DLGAP3: variants seen among roughly 807,000 people sequenced by gnomAD.
The protein encoded by DLGAP3 is DLG associated protein 3, also known as disks large-associated protein 3.
In DLGAP3, 17 loss-of-function variants were observed where a neutral mutation model predicts 81.2. The observed-to-expected ratio is 0.21, with a 90% CI of 0.14 to 0.31. The LOEUF (loss-of-function observed/expected upper bound fraction) is 0.31. DLGAP3 is among the 10% of genes least tolerant of loss of function. The probability of loss-of-function intolerance (pLI) is 1.00; values close to 1 mark genes in which losing one functional copy is unlikely to be tolerated. For synonymous variants in DLGAP3, 577 were observed against 587.4 expected (o/e 0.98, Z 0.26); for missense variants, 1,124 against 1,388.0 (o/e 0.81, Z 3.02).
chr1:34,894,824 A>G (rs1364470334), intron 5 of DLGAP3, among the ~76,000 whole-genome samples: 1 of 152,204 alleles, frequency 6.6e-6, no homozygotes, highest in Admixed American at 6.5e-5. Flanking sequence ...TAATAATATA[A>G]AAAGTAACAA....
intron 5 of DLGAP3, among the ~76,000 whole-genome samples, chr1:34,892,138 C>G (rs149783731): frequency 1.6e-4 from 25 of 152,186 alleles, no homozygotes; most frequent in African/African-American, 6.0e-4. Context: ...ACAATGACTT[C>G]ATGAATACAA....
Position 34,906,016 on chromosome 1 carries a change from T to TTTTTTATA in DLGAP3, c.-51-583_-51-582insTATAAAAA, listed in dbSNP as rs60469155. ...ACAGAGCGAGACCTGGCCTCTAAAT[T>TTTTTTATA]TATATATATATATATATTTGTTTGT... On this transcript the variant is annotated intron_variant, in intron 2 of 11. Coordinates refer to ENST00000373347, the MANE Select transcript of DLGAP3 (RefSeq NM_001080418.3). Among the ~76,000 whole-genome samples, 4 of 64,806 alleles carry TTTTTTATA rather than the reference T, an allele frequency of 6.2e-5. 1 individual carries two copies. Among genetic ancestry groups the TTTTTTATA allele is most frequent in the Non-Finnish European group, 1.4e-4 (4 of 29,092 alleles). The allele number at this position is 64,806 out of a possible 152,430, so 42.5% of individuals were successfully genotyped here.
intron 8 of DLGAP3, among the ~76,000 whole-genome samples, chr1:34,871,339 T>C (rs935771017): frequency 2.0e-5 from 3 of 152,214 alleles, no homozygotes; most frequent in Non-Finnish European, 2.9e-5. Flanking sequence ...CTGCCTGAAA[T>C]GGCCTTCCTC....
At position 34,904,458 on chromosome 1, in the gene DLGAP3, T is replaced by C. The variant is rs1483129486; in HGVS notation, c.926A>G (p.Glu309Gly). ...GCCAGTGCAGGCAAGGCAGCGGCCT[T>C]CCGACCCGCCCGAGCGCCCCTTGAA... ...LSFKGRSGGS[E>G]GRCLACTGMS... Residue 309 changes from glutamate to glycine, a missense_variant, in exon 3 of 12, where the codon GAA (glutamate) becomes GGA (glycine). By Grantham distance (98) the Glu-to-Gly change is moderately conservative. Coordinates refer to ENST00000373347, the MANE Select transcript of DLGAP3 (RefSeq NM_001080418.3). This position sits in a 1 kb window ranked among gnomAD's most constrained non-coding sequence, Gnocchi z 8.1. 6.2e-7 allele frequency: 1 copy of C among 1,614,138 alleles called. No homozygotes were observed. The highest frequency in any genetic ancestry group is 1.7e-5 in the Admixed American group (1 of 60,028).
At chr1:34,879,472 T>C (rs1349840307) in intron 8 of DLGAP3, among the ~76,000 whole-genome samples, 1 of 152,208 alleles carries the variant, frequency 6.6e-6, no homozygotes, top group East Asian at 1.9e-4. Flanking sequence ...CCTCCTGCTG[T>C]GCCGCCTGGT....
At chr1:34,889,779 C>T (rs925932157) in intron 5 of DLGAP3, among the ~76,000 whole-genome samples, 3 of 152,094 alleles carry the variant, frequency 2.0e-5, no homozygotes, top group South Asian at 2.1e-4. Flanking sequence ...CACAAGAAAG[C>T]GAGATAAGTC....
intron 3 of DLGAP3, among the ~76,000 whole-genome samples, chr1:34,903,369 C>A (rs1639492707): frequency 6.6e-6 from 1 of 152,238 alleles, no homozygotes; most frequent in Non-Finnish European, 1.5e-5. Flanking sequence ...GTATCTTCAT[C>A]TTTGTATCCA....
chr1:34,926,957 C>A (rs186617018), intron 1 of DLGAP3, among the ~76,000 whole-genome samples: 1 of 152,146 alleles, frequency 6.6e-6, no homozygotes, highest in Non-Finnish European at 1.5e-5. Context: ...TTAGCCAGCT[C>A]GAGCCCCAAC....
chr1:34,927,117 G>A (rs992397483), intron 1 of DLGAP3, among the ~76,000 whole-genome samples: 3 of 152,136 alleles, frequency 2.0e-5, no homozygotes, highest in Admixed American at 2.0e-4. Flanking sequence ...TCGGTGGTGG[G>A]TGTGGCTAGG....
rs1638865098 is a variant in DLGAP3, at chr1:34,865,849, T to A, written c.*234A>T. The A allele has an allele frequency of 4.7e-6, 3 of 633,308 alleles. No homozygotes were observed. The highest frequency in any genetic ancestry group is 3.0e-5 in the East Asian group (1 of 33,030). 39.2% of individuals were successfully genotyped at this position (633,308 alleles called of 1,614,324 possible). A position where few individuals can be genotyped will look rare whatever the true frequency, so the allele number is the denominator to read the frequency against. ...AGCGTCGGACCAGGTGGGCAGGGGA[T>A]CCAGGTGAGGGGCGCAGGGCGGAGA... On this transcript the variant is annotated 3_prime_UTR_variant, in exon 12 of 12. Coordinates refer to ENST00000373347, the MANE Select transcript of DLGAP3 (RefSeq NM_001080418.3).
At position 34,904,722 on chromosome 1, in the gene DLGAP3, G is replaced by C. The variant is rs750607423; in HGVS notation, c.662C>G (p.Thr221Ser). The C allele has an allele frequency of 3.7e-6, 6 of 1,612,990 alleles. 1 individual carries two copies. The highest frequency in any genetic ancestry group is 5.1e-6 in the Non-Finnish European group (6 of 1,180,002). Residue 221 changes from threonine to serine, a missense_variant, in exon 3 of 12, where the codon ACC becomes AGC. Physicochemically the swap from Thr to Ser is moderately conservative, Grantham distance 58 (BLOSUM62 1). Around this residue, in one of 9 missense-constraint regions of DLGAP3, gnomAD observed 357 missense variants for 408.8 expected, o/e 0.87. Coordinates refer to ENST00000373347, the MANE Select transcript of DLGAP3 (RefSeq NM_001080418.3). This position sits in a 1 kb window ranked among gnomAD's most constrained non-coding sequence, Gnocchi z 8.1. Reference protein sequence around the residue: ...YPGPGSGGPHTSHHHHHHHHH... With the variant: ...YPGPGSGGPHSSHHHHHHHHH... ...GTGGTGGTGATGGTGGTGATGGGAG[G>C]TGTGGGGGCCTCCAGAGCCCGGGCC...
At chr1:34,928,720 C>T (rs1257744166) in intron 1 of DLGAP3, among the ~76,000 whole-genome samples, 1 of 151,842 alleles carries the variant, frequency 6.6e-6, no homozygotes. Flanking sequence ...CCAACGCACG[C>T]GCGCGCACAC....
At position 34,885,524 on chromosome 1, in the gene DLGAP3, C is replaced by A; in HGVS notation, c.1868G>T (p.Arg623Leu). Residue 623 changes from arginine to leucine, a missense_variant, in exon 7 of 12, where the codon CGG becomes CTG. This residue lies in a region of DLGAP3 where 379 missense variants were observed against 455.7 expected (regional missense o/e 0.83). Coordinates refer to ENST00000373347, the MANE Select transcript of DLGAP3 (RefSeq NM_001080418.3). Reference sequence around the variant, plus strand: ...CCACTTCCGCTGCCGCGCCAGGCTCCGCAGCTCCTCCCTGCCAGGGATGGT... The same window carrying A: ...CCACTTCCGCTGCCGCGCCAGGCTCAGCAGCTCCTCCCTGCCAGGGATGGT... The part of the protein sequence containing the change: ...IKTIPGREEL[R>L]SLARQRKWRP... The A allele has an allele frequency of 6.2e-7, 1 of 1,609,250 alleles. No homozygotes were observed. The highest frequency in any genetic ancestry group is 1.1e-5 in the South Asian group (1 of 91,068).
rs148198498 is a variant in DLGAP3, at chr1:34,900,847, A to G, written c.1108-574T>C. Among the ~76,000 whole-genome samples, 1 of 152,230 alleles carries G rather than the reference A, an allele frequency of 6.6e-6. No homozygotes were observed. Among genetic ancestry groups the G allele is most frequent in the East Asian group, 1.9e-4 (1 of 5,176 alleles). On this transcript the variant is annotated intron_variant, in intron 3 of 11. Transcript: ENST00000373347. The surrounding 1 kb of genome is among the most constrained non-coding windows in gnomAD (Gnocchi z 5.6). ...GGAGGCTGATGCTGTTATCCAGGCA[A>G]GAGATGATGAGGCCTAAATTAAGAC... is the stretch of plus-strand genomic sequence containing the variant.
chr1:34,883,947 C>G (rs2148400955), intron 8 of DLGAP3, among the ~76,000 whole-genome samples: 1 of 152,076 alleles, frequency 6.6e-6, no homozygotes, highest in Non-Finnish European at 1.5e-5. Context: ...TTGAGATAGT[C>G]TCACTCAGTC....
At chr1:34,896,291 A>C (rs1226021302) in intron 5 of DLGAP3, among the ~76,000 whole-genome samples, 6 of 152,330 alleles carry the variant, frequency 3.9e-5, no homozygotes, top group African/African-American at 1.4e-4. Context: ...AGAGGTCATC[A>C]AAATCAGAAT....
At chr1:34,866,325 A>G (rs913528214) in intron 11 of DLGAP3, 24 bp from the exon 12 acceptor site, 1 of 1,489,822 alleles carries the variant, frequency 6.7e-7, no homozygotes, top group Admixed American at 2.1e-5. Context: ...GGCGTCGCTG[A>G]GCTGGGGCGC....
At chr1:34,878,630 A>T (rs540813293) in intron 8 of DLGAP3, among the ~76,000 whole-genome samples, 2 of 152,254 alleles carry the variant, frequency 1.3e-5, no homozygotes, top group African/African-American at 4.8e-5. Flanking sequence ...TCATGGTGAG[A>T]CATTTTTAAC....
chr1:34,904,684 G>A lies in DLGAP3; in HGVS notation c.700C>T (p.His234Tyr), dbSNP rs893646995. Residue 234 changes from histidine to tyrosine, a missense_variant, in exon 3 of 12, where the codon CAC (histidine) becomes TAC (tyrosine). Physicochemically the swap from His to Tyr is moderately conservative, Grantham distance 83. Around this residue, in one of 9 missense-constraint regions of DLGAP3, gnomAD observed 357 missense variants for 408.8 expected, o/e 0.87. Coordinates refer to ENST00000373347, the MANE Select transcript of DLGAP3 (RefSeq NM_001080418.3). The surrounding 1 kb of genome is among the most constrained non-coding windows in gnomAD (Gnocchi z 8.1). ...HHHHHHHHHH[H>Y]QSRHGKRSKS... ...CTCCTCTTGCCGTGCCGGGACTGGT[G>A]GTGGTGGTGATGGTGGTGGTGATGG... 3 of 1,613,934 alleles carry A rather than the reference G, an allele frequency of 1.9e-6. No homozygotes were observed. Among genetic ancestry groups the A allele is most frequent in the Non-Finnish European group, 2.5e-6 (3 of 1,179,996 alleles).
Sources: allele counts gnomAD v4.1 joint callset (sites outside exome capture counted in the v4.1 genomes callset), GRCh38; gene constraint gnomAD v4.1.1; regional missense constraint gnomAD v4.1.1; non-coding constraint Gnocchi (gnomAD v3.1); transcripts MANE v1.5; gene names NCBI Gene and HGNC (gene_info 2026-07-23, HGNC 2026-07-21).